The following TNIK variants were observed in gnomAD, a reference collection of about 807,000 sequenced individuals.
TNIK encodes TRAF2 and NCK interacting kinase.
In TNIK, 49 loss-of-function variants were observed where a neutral mutation model predicts 191.3. The ratio of observed to expected loss-of-function variants is 0.26; its 90% CI spans 0.20 to 0.32. The LOEUF (loss-of-function observed/expected upper bound fraction) is 0.32. Among genes scored for constraint, TNIK ranks in the 10% least tolerant of loss-of-function variants. The pLI is 1.00. For synonymous variants in TNIK, 594 were observed against 600.9 expected (o/e 0.99, Z 0.17); for missense variants, 1,155 against 1,702.3 (o/e 0.68, Z 5.66).
intron 19 of TNIK, among the ~76,000 whole-genome samples, chr3:171,109,159 G>T (rs924518064): frequency 2.0e-5 from 3 of 152,114 alleles, no homozygotes; most frequent in African/African-American, 7.2e-5. Flanking sequence ...TAACAGAATG[G>T]CTGTTTTCTT....
At chr3:171,152,036 T>C (rs1014619374) in intron 12 of TNIK, among the ~76,000 whole-genome samples, 1 of 152,130 alleles carries the variant, frequency 6.6e-6, no homozygotes, top group Non-Finnish European at 1.5e-5. Context: ...ATCCCAGCAC[T>C]CTGGGAGACC....
chr3:171,323,046 A>T (rs1755338269), intron 2 of TNIK, among the ~76,000 whole-genome samples: 1 of 150,384 alleles, frequency 6.6e-6, no homozygotes, highest in South Asian at 2.1e-4. Context: ...ATGAAGTTTA[A>T]TTGGAACACA....
At chr3:171,226,091 G>T (rs1742930280) in intron 3 of TNIK, among the ~76,000 whole-genome samples, 1 of 152,254 alleles carries the variant, frequency 6.6e-6, no homozygotes, top group Middle Eastern at 3.4e-3. Flanking sequence ...TTTAATTTTT[G>T]TGTCAGATCC....
At chr3:171,182,999 G>A (rs1736855533) in intron 7 of TNIK, among the ~76,000 whole-genome samples, 1 of 152,210 alleles carries the variant, frequency 6.6e-6, no homozygotes, top group South Asian at 2.1e-4. Flanking sequence ...ATACAATGCA[G>A]TACATGCTGC....
intron 2 of TNIK, among the ~76,000 whole-genome samples, chr3:171,302,075 T>C (rs1405633417): frequency 6.6e-6 from 1 of 152,222 alleles, no homozygotes; most frequent in Non-Finnish European, 1.5e-5. Context: ...ACAATTCTTC[T>C]GCTTAATTTG....
chr3:171,343,018 G>A (rs867062099), intron 2 of TNIK, among the ~76,000 whole-genome samples: 5 of 152,120 alleles, frequency 3.3e-5, no homozygotes, highest in Non-Finnish European at 7.4e-5. Flanking sequence ...TAATAATGAG[G>A]CCCTCCCCAG....
intron 12 of TNIK, among the ~76,000 whole-genome samples, chr3:171,143,369 A>G (rs375364221): frequency 6.6e-6 from 1 of 152,328 alleles, no homozygotes; most frequent in Non-Finnish European, 1.5e-5. Context: ...CCTCAGGCAG[A>G]CACCTTTACA....
intron 22 of TNIK, among the ~76,000 whole-genome samples, chr3:171,094,919 TTACCCAG>T (rs1317941155): frequency 1.3e-5 from 2 of 152,190 alleles, no homozygotes; most frequent in East Asian, 1.9e-4. Flanking sequence ...TTCATTATTA[TTACCCAG>T]TACCCAGCCT....
chr3:171,132,595 C>T (rs966382295), intron 15 of TNIK, among the ~76,000 whole-genome samples: 23 of 152,034 alleles, frequency 1.5e-4, no homozygotes, highest in African/African-American at 5.6e-4. Flanking sequence ...AAAGTTAAAA[C>T]ATAATAAAGA....
intron 12 of TNIK, among the ~76,000 whole-genome samples, chr3:171,153,150 T>C (rs1029165297): frequency 6.6e-6 from 1 of 152,164 alleles, no homozygotes; most frequent in South Asian, 2.1e-4. Flanking sequence ...TGAGCAGCAT[T>C]CTGCAGAGCT....
At chr3:171,359,535 C>G (rs548386730) in intron 2 of TNIK, among the ~76,000 whole-genome samples, 1 of 152,146 alleles carries the variant, frequency 6.6e-6, no homozygotes, top group Admixed American at 6.6e-5. Context: ...AAGTGAGCAA[C>G]AGGACCAAGA....
intron 3 of TNIK, among the ~76,000 whole-genome samples, chr3:171,215,462 C>A (rs893207393): frequency 4.6e-5 from 7 of 152,002 alleles, no homozygotes; most frequent in African/African-American, 1.7e-4. Context: ...AGTAACTTTC[C>A]CAAGTTCACT....
chr3:171,209,971 A>C (rs986082961), intron 4 of TNIK, among the ~76,000 whole-genome samples: 3 of 152,186 alleles, frequency 2.0e-5, no homozygotes, highest in African/African-American at 7.2e-5. Context: ...TGAAATAGCC[A>C]TTACTGGATC....
intron 15 of TNIK, among the ~76,000 whole-genome samples, chr3:171,131,277 G>T (rs1252213847): frequency 7.4e-6 from 1 of 134,728 alleles, no homozygotes; most frequent in Non-Finnish European, 1.5e-5. Context: ...GGCGGAGCTT[G>T]CAGTGAGCCG....
intron 28 of TNIK, among the ~76,000 whole-genome samples, chr3:171,079,208 C>T (rs1720369297): frequency 6.6e-6 from 1 of 152,156 alleles, no homozygotes; most frequent in East Asian, 1.9e-4. Context: ...GACATTTCTT[C>T]TCTTCTCTTG....
At chr3:171,370,713 G>A (rs1333654502) in intron 1 of TNIK, among the ~76,000 whole-genome samples, 1 of 152,168 alleles carries the variant, frequency 6.6e-6, no homozygotes, top group African/African-American at 2.4e-5. Context: ...GGGTGGGGTG[G>A]AGTTTACTTA....
At chr3:171,440,432 A>G (rs1726641225) in intron 1 of TNIK, among the ~76,000 whole-genome samples, 1 of 152,172 alleles carries the variant, frequency 6.6e-6, no homozygotes, top group East Asian at 1.9e-4. Flanking sequence ...TGCTAAAAGG[A>G]GCTCTGATCA....
chr3:171,367,624 T>A (rs1009873532), intron 2 of TNIK, among the ~76,000 whole-genome samples: 1 of 152,200 alleles, frequency 6.6e-6, no homozygotes, highest in East Asian at 1.9e-4. Flanking sequence ...TGCATGCCAC[T>A]ACCACCTGGC....
At chr3:171,265,626 T>C (rs1258670717) in intron 2 of TNIK, among the ~76,000 whole-genome samples, 1 of 152,226 alleles carries the variant, frequency 6.6e-6, no homozygotes, top group East Asian at 1.9e-4. Context: ...AAAATACATA[T>C]GCAAGAATGG....
Sources: allele counts gnomAD v4.1 joint callset (sites outside exome capture counted in the v4.1 genomes callset), GRCh38; gene constraint gnomAD v4.1.1; transcripts MANE v1.5; gene names NCBI Gene and HGNC (gene_info 2026-07-23, HGNC 2026-07-21).